Variants in CSNK2A2 observed in about 807,000 individuals in gnomAD.
CSNK2A2 encodes casein kinase II subunit alpha'.
A neutral mutation model predicts 54.0 loss-of-function variants in CSNK2A2; 8 were observed. That is an observed-to-expected ratio of 0.15 (90% CI 0.09 to 0.27). The LOEUF (loss-of-function observed/expected upper bound fraction) is 0.27, where lower values mean the gene tolerates loss of function less well. Ranked by LOEUF, CSNK2A2 falls within the 10% of genes least tolerant of loss-of-function variation. CSNK2A2 has a pLI of 1.00. For synonymous variants in CSNK2A2, 141 were observed against 153.9 expected, an observed-to-expected ratio of 0.92 and a Z score of 0.62; for missense variants, 242 against 439.4, an observed-to-expected ratio of 0.55 and a Z score of 4.02.
At chr16:58,188,791 GGTGT>G (rs1026940110) in intron 2 of CSNK2A2, among the ~76,000 whole-genome samples, 2 of 152,078 alleles carry the variant, frequency 1.3e-5, no homozygotes, top group African/African-American at 2.4e-5. Context: ...TCATTATATA[GGTGT>G]GTGTATATGT....
At chr16:58,162,534 A>G (rs1045246742) in intron 11 of CSNK2A2, 9 of 152,236 alleles carry the variant, frequency 5.9e-5, no homozygotes, top group South Asian at 2.1e-4. Context: ...ACCAATACCA[A>G]TAAGATTTTA....
chr16:58,180,968 C>T (rs1003771266), intron 4 of CSNK2A2, among the ~76,000 whole-genome samples: 49 of 152,318 alleles, frequency 3.2e-4, no homozygotes, highest in African/African-American at 1.2e-3. Flanking sequence ...GCCATACTAT[C>T]TGGAAAAGAA....
At chr16:58,174,199 C>T (rs912947953) in intron 5 of CSNK2A2, 1 of 333,312 alleles carries the variant, frequency 3.0e-6, no homozygotes, top group Non-Finnish European at 5.4e-6. Flanking sequence ...AACATATGGA[C>T]CAACAAGAGC....
intron 5 of CSNK2A2, among the ~76,000 whole-genome samples, chr16:58,171,985 T>A (rs867131267): frequency 0.17 from 8,442 of 49,368 alleles, 532 homozygotes; most frequent in African/African-American, 0.36. Context: ...ATATATTTTT[T>A]TTTTTTTTTT....
At position 58,164,145 on chromosome 16, in the gene CSNK2A2, G is replaced by A. The variant is rs539754676; in HGVS notation, c.979C>T (p.Pro327Ser). ...KEAMEHPYFY[P>S]VVKEQSQPCA... The stretch of plus-strand genomic sequence containing the variant: ...GGCTGGGACTGCTCCTTCACCACAG[G>A]GTCTGCAAGAAAGCAGGAGGAAAGT... Residue 327 changes from proline (P) to serine (S), a missense_variant and splice_region_variant, in exon 11 of 12, where the codon CCT (proline) becomes TCT (serine). Coordinates refer to ENST00000262506, the MANE Select transcript of CSNK2A2 (RefSeq NM_001896.4). The A allele has an allele frequency of 1.4e-5, 22 of 1,613,670 alleles. No individual in the cohort carries two copies. In the East Asian group the frequency reaches 3.6e-4, roughly 26 times the overall value.
At chr16:58,196,624 T>G (rs895436909) in intron 2 of CSNK2A2, 109 bp downstream of exon 2, 15 of 770,584 alleles carry the variant, frequency 1.9e-5, no homozygotes, top group Middle Eastern at 2.8e-4. Flanking sequence ...ACAAATAAAT[T>G]AAATTAAATT....
intron 2 of CSNK2A2, among the ~76,000 whole-genome samples, chr16:58,189,440 A>G (rs1319854880): frequency 1.3e-5 from 2 of 152,176 alleles, no homozygotes; most frequent in African/African-American, 4.8e-5. Context: ...CCCTCTTCTA[A>G]TTCTAACAGT....
At chr16:58,168,137 C>T (rs922114962) in intron 6 of CSNK2A2, among the ~76,000 whole-genome samples, 1 of 151,996 alleles carries the variant, frequency 6.6e-6, no homozygotes, top group Non-Finnish European at 1.5e-5. Context: ...AAGCTCCAGG[C>T]GTCAGTGAAA....
intron 3 of CSNK2A2, 103 bp downstream of exon 3, chr16:58,186,652 C>A: frequency 3.8e-6 from 3 of 787,074 alleles, no homozygotes; most frequent in Non-Finnish European, 6.2e-6. Context: ...AAGACAAACA[C>A]CACCATCCCC....
chr16:58,182,112 C>A (rs1343013347), intron 4 of CSNK2A2, among the ~76,000 whole-genome samples: 1 of 152,052 alleles, frequency 6.6e-6, no homozygotes, highest in Non-Finnish European at 1.5e-5. Flanking sequence ...AAGAAAGCTA[C>A]AAGAGAATGT....
rs1010684616 is a variant in CSNK2A2, at chr16:58,157,936, T to C, written c.*435A>G. On this transcript the variant is annotated 3_prime_UTR_variant, in exon 12 of 12. Coordinates refer to ENST00000262506, the MANE Select transcript of CSNK2A2 (RefSeq NM_001896.4). The stretch of plus-strand genomic sequence containing the variant: ...TTTTAAAACCTTTTATTCAATAATA[T>C]ATACTTTTAAAATAATAATATGTAA... The C allele has an allele frequency of 2.0e-5, 3 of 152,366 alleles. No homozygotes were observed. Among genetic ancestry groups the C allele is most frequent in the African/African-American group, 7.2e-5 (3 of 41,444 alleles). The allele number at this position is 152,366 out of a possible 1,614,324, so 9.4% of individuals were successfully genotyped here. A position where few individuals can be genotyped will look rare whatever the true frequency, so the allele number is the denominator to read the frequency against.
intron 5 of CSNK2A2, among the ~76,000 whole-genome samples, chr16:58,173,191 G>A (rs975334364): frequency 6.6e-6 from 1 of 152,158 alleles, no homozygotes; most frequent in South Asian, 2.1e-4. Flanking sequence ...ATGGAGAAAC[G>A]TGGGATAAAT....
At position 58,164,085 on chromosome 16, in the gene CSNK2A2, T is replaced by C; in HGVS notation, c.1039A>G (p.Thr347Ala). Residue 347 changes from threonine to alanine, a missense_variant, in exon 11 of 12, where the codon ACG becomes GCG. Thr to Ala is a moderately conservative substitution (Grantham distance 58). Around this residue, in one of 5 missense-constraint regions of CSNK2A2, gnomAD observed 81 missense variants for 135.0 expected, o/e 0.60. Coordinates refer to ENST00000262506, the MANE Select transcript of CSNK2A2 (RefSeq NM_001896.4). The stretch of plus-strand genomic sequence containing the variant: ...CTTTCCAGTCTTCATCGTGCTGCCG[T>C]GAGACCACTGGAAAGCACAGCATTG... The part of the protein sequence containing the change: ...ADNAVLSSGL[T>A]AAR 1 of 1,613,724 alleles carries C rather than the reference T, an allele frequency of 6.2e-7. No individual in the cohort carries two copies. The highest frequency in any genetic ancestry group is 1.7e-4 in the Middle Eastern group (1 of 6,060).
chr16:58,197,219 G>A lies in CSNK2A2; in HGVS notation c.105-375C>T. 1 of 275,944 alleles carries A rather than the reference G, an allele frequency of 3.6e-6. No individual in the cohort carries two copies. Among genetic ancestry groups the A allele is most frequent in the South Asian group, 5.3e-5 (1 of 18,706 alleles). The allele number at this position is 275,944 out of a possible 1,614,324, so 17.1% of individuals were successfully genotyped here. ...CAATGCCTGTTTTAAAAATCTGGAC[G>A]TCTTTAAGAAATTTCCTCCCACCAC... On this transcript the variant is annotated intron_variant, in intron 1 of 11. Coordinates refer to ENST00000262506, the MANE Select transcript of CSNK2A2 (RefSeq NM_001896.4). This position sits in a 1 kb window ranked among gnomAD's most constrained non-coding sequence, Gnocchi z 4.0.
intron 5 of CSNK2A2, 92 bp from the exon 6 acceptor site, chr16:58,168,785 G>C: frequency 1.0e-6 from 1 of 984,224 alleles, no homozygotes; most frequent in Non-Finnish European, 1.6e-6. Context: ...ACCTTGACTT[G>C]AATACAGTCC....
intron 3 of CSNK2A2, among the ~76,000 whole-genome samples, chr16:58,184,854 A>G (rs1200661413): frequency 1.3e-5 from 2 of 152,190 alleles, no homozygotes; most frequent in East Asian, 3.9e-4. Flanking sequence ...GGGGTCCAAA[A>G]GGAAAATATA....
intron 4 of CSNK2A2, among the ~76,000 whole-genome samples, chr16:58,182,096 C>T (rs1303761476): frequency 6.6e-6 from 1 of 151,744 alleles, no homozygotes; most frequent in Admixed American, 6.6e-5. Flanking sequence ...TCCCATAATC[C>T]CTTTAAAGAA....
In CSNK2A2 at chr16:58,176,604, T is replaced by C. The variant is rs554353238; in HGVS notation, c.370-2094A>G. Among the ~76,000 whole-genome samples, 16 of 152,302 alleles carry C rather than the reference T, an allele frequency of 1.1e-4. No homozygotes were observed. In the South Asian group the frequency reaches 3.3e-3, roughly 32 times the overall value. Reference sequence around the variant, plus strand: ...CGACTTTTGTAGCTCTGTTCTTCACTGTACCCCCAGGAGTCCACAGCTCTG... The same window carrying C: ...CGACTTTTGTAGCTCTGTTCTTCACCGTACCCCCAGGAGTCCACAGCTCTG... On this transcript the variant is annotated intron_variant, in intron 4 of 11. Transcript: ENST00000262506.
chr16:58,182,405 A>AAAAAAG (rs1962071962), intron 4 of CSNK2A2, among the ~76,000 whole-genome samples: 1 of 138,558 alleles, frequency 7.2e-6, no homozygotes, highest in Non-Finnish European at 1.6e-5. Context: ...AAAAAAAAAA[A>AAAAAAG]CTAGCCAGGC....
Sources: allele counts gnomAD v4.1 joint callset (sites outside exome capture counted in the v4.1 genomes callset), GRCh38; gene constraint gnomAD v4.1.1; regional missense constraint gnomAD v4.1.1; non-coding constraint Gnocchi (gnomAD v3.1); transcripts MANE v1.5; gene names NCBI Gene and HGNC (gene_info 2026-07-23, HGNC 2026-07-21).